The following RHPN2 variants were observed in gnomAD, a reference collection of about 807,000 sequenced individuals.
The protein encoded by RHPN2 is rhophilin Rho GTPase binding protein 2, also known as rhophilin-2.
In RHPN2, 40 loss-of-function variants were observed where a neutral mutation model predicts 79.0. That is an observed-to-expected ratio of 0.51 (90% CI 0.39 to 0.66). The LOEUF is 0.66. Ranked by LOEUF, RHPN2 falls within the 30% of genes least tolerant of loss-of-function variation. The pLI is 0.00. For missense variants in RHPN2, 686 were observed against 883.5 expected, an observed-to-expected ratio of 0.78 and a Z score of 2.83; for synonymous variants, 285 against 363.5, an observed-to-expected ratio of 0.78 and a Z score of 2.46.
At position 33,002,876 on chromosome 19, in the gene RHPN2, G is replaced by A. The variant is rs748267607; in HGVS notation, c.885C>T (p.Ile295=). ...AQAQESVFEK[I]SLPGIRNEFF... Reference sequence around the variant, plus strand: ...ATTCATTCCGGATCCCAGGAAGGCTGATTTTCTCAAACACGCTTTCTTGGG... The same window carrying A: ...ATTCATTCCGGATCCCAGGAAGGCTAATTTTCTCAAACACGCTTTCTTGGG... Residue 295 remains isoleucine, a synonymous_variant, in exon 8 of 15, where the codon ATC becomes ATT. Coordinates refer to ENST00000254260, the MANE Select transcript of RHPN2 (RefSeq NM_033103.5). The A allele has an allele frequency of 1.9e-6, 3 of 1,613,946 alleles. No homozygotes were observed. In the South Asian group the frequency reaches 3.3e-5, roughly 18 times the overall value.
intron 1 of RHPN2, among the ~76,000 whole-genome samples, chr19:33,057,238 G>A (rs1757750005): frequency 6.6e-6 from 1 of 152,102 alleles, no homozygotes; most frequent in African/African-American, 2.4e-5. Context: ...AGCTACTCAG[G>A]AGGCTGAGAC....
At chr19:32,989,573 TTTTG>T (rs1280048316) in intron 14 of RHPN2, among the ~76,000 whole-genome samples, 3 of 152,264 alleles carry the variant, frequency 2.0e-5, no homozygotes, top group Non-Finnish European at 2.9e-5. Flanking sequence ...TAGAATTTTT[TTTTG>T]TTTTTTATTT....
rs535734153 is a variant in RHPN2, at chr19:32,990,097, TC to T, written c.1800+416del. Among the ~76,000 whole-genome samples, 108 of 140,302 alleles carry T rather than the reference TC, an allele frequency of 7.7e-4. 1 individual carries two copies. The Middle Eastern group carries it at 0.011, about 14-fold the overall frequency. 92.0% of individuals were successfully genotyped at this position (140,302 alleles called of 152,430 possible). A position where few individuals can be genotyped will look rare whatever the true frequency, so the allele number is the denominator to read the frequency against. On this transcript the variant is annotated intron_variant, in intron 14 of 14. Transcript: ENST00000254260. The stretch of plus-strand genomic sequence containing the variant: ...TCCAGCCTGGGTGACAGAGCGAGAC[TC>T]CGTCTCAAAAAAAAAATAAAATTAA...
At chr19:33,021,803 T>C (rs946277255) in intron 3 of RHPN2, among the ~76,000 whole-genome samples, 157 bp from the exon 4 acceptor site, 5 of 151,978 alleles carry the variant, frequency 3.3e-5, no homozygotes, top group African/African-American at 9.7e-5. Context: ...TAAGGATGAC[T>C]CTGGTCATGC....
intron 7 of RHPN2, 81 bp downstream of exon 7, chr19:33,007,933 T>C: frequency 6.7e-7 from 1 of 1,482,666 alleles, no homozygotes; most frequent in Non-Finnish European, 9.4e-7. Context: ...GGATGACCTG[T>C]AGATTCTCTT....
chr19:33,017,476 T>A (rs17316183), intron 4 of RHPN2, among the ~76,000 whole-genome samples: 2 of 151,970 alleles, frequency 1.3e-5, no homozygotes, highest in African/African-American at 4.8e-5. Context: ...TTTCTAGACA[T>A]GTGGATTGTT....
chr19:33,019,823 CATG>C (rs1971908710), intron 4 of RHPN2, among the ~76,000 whole-genome samples: 1 of 152,000 alleles, frequency 6.6e-6, no homozygotes, highest in African/African-American at 2.4e-5. Context: ...AAGCAATTTT[CATG>C]ATACTAGGAT....
At chr19:32,990,812 T>A in intron 13 of RHPN2, 143 bp from the exon 14 acceptor site, 1 of 804,992 alleles carries the variant, frequency 1.2e-6, no homozygotes, top group Non-Finnish European at 2.1e-6. Flanking sequence ...GGTAGATCAC[T>A]TGAGGTCAGT....
intron 12 of RHPN2, among the ~76,000 whole-genome samples, chr19:32,992,384 T>C (rs1398026156): frequency 6.6e-6 from 1 of 151,932 alleles, no homozygotes; most frequent in Non-Finnish European, 1.5e-5. Context: ...AGAGATGGGG[T>C]TTCACCATGT....
chr19:32,983,493 T>C (rs1412794388), intron 14 of RHPN2, among the ~76,000 whole-genome samples: 5 of 150,750 alleles, frequency 3.3e-5, no homozygotes, highest in Non-Finnish European at 7.4e-5. Context: ...CCAGCCTGGG[T>C]GACAGAACGA....
rs567197116 is a variant in RHPN2 at position 33,049,733 on chromosome 19, C to A, written c.70-5369G>T. 7.0e-3 allele frequency among the ~76,000 whole-genome samples: 1,063 copies of A among 152,242 alleles called. 10 individuals carry two copies. Among genetic ancestry groups the A allele is most frequent in the African/African-American group, 0.025 (1,029 of 41,544 alleles). On this transcript the variant is annotated intron_variant, in intron 1 of 14. Coordinates refer to ENST00000254260, the MANE Select transcript of RHPN2 (RefSeq NM_033103.5). The stretch of plus-strand genomic sequence containing the variant: ...TTACAGGCAACTCCTGGGGTCGGCC[C>A]GCTTATGTGGACCCTGGTACAGCAT...
intron 9 of RHPN2, among the ~76,000 whole-genome samples, 188 bp downstream of exon 9, chr19:33,002,059 G>A (rs144751221): frequency 0.029 from 4,361 of 152,244 alleles, 203 homozygotes; most frequent in African/African-American, 0.1. Context: ...TCCCTCTAAA[G>A]AAGCTTATAA....
At chr19:32,992,527 G>A (rs557540348) in intron 12 of RHPN2, among the ~76,000 whole-genome samples, 254 of 152,276 alleles carry the variant, frequency 1.7e-3, no homozygotes, top group Non-Finnish European at 2.5e-3. Context: ...TATAAAAAAT[G>A]TAAGACTAGG....
At position 33,026,361 on chromosome 19, in the gene RHPN2, A is replaced by G; in HGVS notation, c.314+143T>C. 3.6e-6 allele frequency: 4 copies of G among 1,120,024 alleles called. No homozygotes were observed. In the South Asian group the frequency reaches 3.7e-5, roughly 10 times the overall value. 69.4% of individuals were successfully genotyped at this position (1,120,024 alleles called of 1,614,324 possible). On this transcript the variant is annotated intron_variant, in intron 3 of 14. Transcript: ENST00000254260. ...CCAGTCTAGCACCTCACTCAACCCC[A>G]AACCTGATGGTTCTCTCACTTCCGA...
intron 14 of RHPN2, among the ~76,000 whole-genome samples, chr19:32,984,709 C>T (rs77934983): frequency 2.6e-5 from 4 of 151,550 alleles, no homozygotes; most frequent in African/African-American, 4.8e-5. Flanking sequence ...CCCAACTATT[C>T]GGGAGGCTGA....
intron 1 of RHPN2, among the ~76,000 whole-genome samples, chr19:33,050,632 C>T (rs988726126): frequency 3.3e-5 from 5 of 152,102 alleles, no homozygotes; most frequent in Admixed American, 1.3e-4. Context: ...TTGCTCAATA[C>T]CATGTTTTCA....
At chr19:33,059,419 C>T (rs552555141) in intron 1 of RHPN2, among the ~76,000 whole-genome samples, 1 of 152,028 alleles carries the variant, frequency 6.6e-6, no homozygotes, top group African/African-American at 2.4e-5. Context: ...CTGCCTCAGC[C>T]TCCCGAGTAG....
intron 4 of RHPN2, among the ~76,000 whole-genome samples, chr19:33,017,367 T>A (rs143937413): frequency 1.7e-3 from 239 of 143,404 alleles, no homozygotes; most frequent in African/African-American, 5.4e-3. Flanking sequence ...AGAGTGAAAC[T>A]CCATCTCAAA....
chr19:33,049,761 C>T (rs766760269), intron 1 of RHPN2, among the ~76,000 whole-genome samples: 1 of 152,258 alleles, frequency 6.6e-6, no homozygotes, highest in Middle Eastern at 3.4e-3. Context: ...TACAGCATCT[C>T]GGATCCCATG....
Sources: gnomAD v4.1 joint callset for allele counts (sites outside exome capture counted in the v4.1 genomes callset) on GRCh38, gnomAD v4.1.1 for gene constraint, MANE v1.5 for transcripts, NCBI Gene and HGNC (gene_info 2026-07-23, HGNC 2026-07-21) for gene names.